The following ACAD11 variants were observed in gnomAD, a reference collection of about 807,000 sequenced individuals.
The protein encoded by ACAD11 is acyl-CoA dehydrogenase family member 11.
ACAD11 carries 83 observed loss-of-function variants against 102.2 expected under a neutral mutation model. That is an observed-to-expected ratio of 0.81 (90% confidence interval 0.68 to 0.97). The LOEUF is 0.97. ACAD11 is among the 50% of genes least tolerant of loss of function. The pLI is 0.00. For synonymous variants in ACAD11, 324 were observed against 319.8 expected (o/e 1.01, Z -0.14); for missense variants, 901 against 951.7 (o/e 0.95, Z 0.70).
At chr3:132,644,935 A>G (rs751785617) in intron 1 of ACAD11, 39 bp from the exon 2 acceptor site, 1 of 1,295,996 alleles carries the variant, frequency 7.7e-7, no homozygotes, top group Non-Finnish European at 1.1e-6. Flanking sequence ...AATTACAAAG[A>G]TATGTTTTCC....
chr3:132,577,830 T>C (rs1937544439), intron 15 of ACAD11, among the ~76,000 whole-genome samples: 1 of 152,204 alleles, frequency 6.6e-6, no homozygotes, highest in African/African-American at 2.4e-5. Flanking sequence ...TGGAAATTAT[T>C]TGCAGCTCAA....
intron 11 of ACAD11, among the ~76,000 whole-genome samples, chr3:132,611,841 C>G (rs1353026838): frequency 6.6e-6 from 1 of 152,008 alleles, no homozygotes; most frequent in Non-Finnish European, 1.5e-5. Flanking sequence ...ATCAAGCTAC[C>G]AATGACTTTC....
intron 17 of ACAD11, among the ~76,000 whole-genome samples, chr3:132,573,690 A>C (rs1937448849): frequency 6.6e-6 from 1 of 152,208 alleles, no homozygotes. Flanking sequence ...GACTTAGAAG[A>C]CATTTACTTC....
At chr3:132,642,614 A>G in intron 3 of ACAD11, 63 bp downstream of exon 3, 1 of 1,467,324 alleles carries the variant, frequency 6.8e-7, no homozygotes, top group South Asian at 1.3e-5. Flanking sequence ...TCATAATAAA[A>G]CATCTTAATT....
chr3:132,634,753 C>T (rs1371201586), intron 5 of ACAD11, among the ~76,000 whole-genome samples: 2 of 151,968 alleles, frequency 1.3e-5, no homozygotes, highest in Non-Finnish European at 2.9e-5. Context: ...CATGTCTTTG[C>T]AGGGACATGG....
intron 13 of ACAD11, among the ~76,000 whole-genome samples, chr3:132,590,664 G>A (rs751858630): frequency 6.6e-6 from 1 of 152,064 alleles, no homozygotes; most frequent in Non-Finnish European, 1.5e-5. Context: ...AACCTCACCC[G>A]CATCTGTTAT....
At chr3:132,639,418 T>TG (rs200911719) in intron 5 of ACAD11, 74 bp downstream of exon 5, 25,694 of 1,431,560 alleles carry the variant, frequency 0.018, 296 homozygotes, top group Middle Eastern at 0.032. Context: ...CTCAGTGCTC[T>TG]GGGGGGAGCA....
chr3:132,632,951 T>A (rs1239307534), intron 5 of ACAD11, among the ~76,000 whole-genome samples: 2 of 152,254 alleles, frequency 1.3e-5, no homozygotes, highest in Non-Finnish European at 2.9e-5. Context: ...CTGAAGTTGC[T>A]TATCAGCTTA....
chr3:132,576,380 A>G (rs1937524592), intron 16 of ACAD11, among the ~76,000 whole-genome samples: 1 of 152,234 alleles, frequency 6.6e-6, no homozygotes, highest in Non-Finnish European at 1.5e-5. Flanking sequence ...ACACAAAAAC[A>G]TTCCTGGAAG....
At chr3:132,612,672 T>G (rs1226919938) in intron 11 of ACAD11, among the ~76,000 whole-genome samples, 1 of 151,928 alleles carries the variant, frequency 6.6e-6, no homozygotes, top group East Asian at 1.9e-4. Context: ...AAAACCACAA[T>G]GAGATACCAT....
chr3:132,620,811 T>G (rs868675662), intron 9 of ACAD11, among the ~76,000 whole-genome samples: 13 of 152,198 alleles, frequency 8.5e-5, no homozygotes, highest in African/African-American at 3.1e-4. Context: ...GATAAAAATA[T>G]GGGGGCCTAA....
At chr3:132,573,103 C>G (rs796767675) in intron 17 of ACAD11, among the ~76,000 whole-genome samples, 3 of 152,102 alleles carry the variant, frequency 2.0e-5, no homozygotes, top group Non-Finnish European at 2.9e-5. Context: ...CAACTGGCCC[C>G]GGTGTGTGTT....
intron 13 of ACAD11, among the ~76,000 whole-genome samples, chr3:132,589,221 CTAAT>C (rs1937972756): frequency 6.6e-6 from 1 of 152,118 alleles, no homozygotes; most frequent in African/African-American, 2.4e-5. Context: ...TAGAAGTTAC[CTAAT>C]TAATGGTGTT....
rs1303688431 is a variant in ACAD11, at chr3:132,641,587, AGAAGAAGAAGAAGAAGAGGAG to A, written c.537+364_537+384del. On this transcript the variant is annotated intron_variant, in intron 4 of 19. Transcript: ENST00000264990. ...AAGAAGAAGAAGAAGAAGAAGAAGAAGAAGAAGAAGAAGAAGAGGAGGAAGAAGAGGAGGAAGAAGAGGAGG... is the reference window on the plus strand; with the variant it reads ...AAGAAGAAGAAGAAGAAGAAGAAGAAGAAGAAGAGGAGGAAGAAGAGGAGG... 7.3e-5 allele frequency among the ~76,000 whole-genome samples: 11 copies of A among 150,372 alleles called. No homozygotes were observed. In the South Asian group the frequency reaches 1.3e-3, roughly 17 times the overall value.
chr3:132,588,290 C>T (rs189520717), intron 13 of ACAD11, among the ~76,000 whole-genome samples: 59 of 152,158 alleles, frequency 3.9e-4, no homozygotes, highest in Middle Eastern at 3.4e-3. Context: ...GCACTTACTC[C>T]ACCAGACTAG....
intron 5 of ACAD11, among the ~76,000 whole-genome samples, chr3:132,637,323 T>C (rs1940312507): frequency 6.6e-6 from 1 of 152,190 alleles, no homozygotes; most frequent in Non-Finnish European, 1.5e-5. Context: ...ATGAAATTGA[T>C]ACTAAAGGTA....
rs545326953 is a variant in ACAD11, at chr3:132,642,084, C to T, written c.425G>A (p.Arg142His). The T allele has an allele frequency of 5.0e-6, 8 of 1,614,024 alleles. No individual in the cohort carries two copies. Among genetic ancestry groups the T allele is most frequent in the East Asian group, 2.2e-5 (1 of 44,864 alleles). ...LTIPGLSPAERSAIYVATVET... is the reference protein window; with the variant it reads ...LTIPGLSPAEHSAIYVATVET... The stretch of plus-strand genomic sequence containing the variant: ...TACCGTGGCCACATATATGGCTGAA[C>T]GTTCTGCTGGGCTAAGTCCAGGAAT... Residue 142 changes from arginine to histidine, a missense_variant, in exon 4 of 20, where the codon CGT becomes CAT. Coordinates refer to ENST00000264990, the MANE Select transcript of ACAD11 (RefSeq NM_032169.5).
chr3:132,586,583 TC>T (rs1937839783), intron 13 of ACAD11, among the ~76,000 whole-genome samples: 2 of 151,980 alleles, frequency 1.3e-5, no homozygotes, highest in Non-Finnish European at 2.9e-5. Context: ...GTCCCATTTT[TC>T]CCCCAAATAC....
At chr3:132,655,006 A>G (rs1937707480) in intron 1 of ACAD11, among the ~76,000 whole-genome samples, 1 of 152,198 alleles carries the variant, frequency 6.6e-6, no homozygotes, top group African/African-American at 2.4e-5. Context: ...AATTAATTGT[A>G]ACAAAATGAT....
Sources: allele counts gnomAD v4.1 joint callset (sites outside exome capture counted in the v4.1 genomes callset), GRCh38; gene constraint gnomAD v4.1.1; transcripts MANE v1.5; gene names NCBI Gene and HGNC (gene_info 2026-07-23, HGNC 2026-07-21).